CSGALNACT1: variants seen among roughly 807,000 people sequenced by gnomAD.
The protein encoded by CSGALNACT1 is chondroitin sulfate N-acetylgalactosaminyltransferase 1.
CSGALNACT1 carries 52 observed loss-of-function variants against 51.0 expected under a neutral mutation model. That is an observed-to-expected ratio of 1.02 (90% CI 0.82 to 1.29). The LOEUF (loss-of-function observed/expected upper bound fraction) is 1.29, where lower values mean the gene tolerates loss of function less well. CSGALNACT1 is among the 50% of genes most tolerant of loss of function. The probability of loss-of-function intolerance (pLI) is 0.00; values close to 1 mark genes in which losing one functional copy is unlikely to be tolerated. For synonymous variants in CSGALNACT1, 341 were observed against 254.4 expected, an observed-to-expected ratio of 1.34 and a Z score of -3.24; for missense variants, 935 against 679.2, an observed-to-expected ratio of 1.38 and a Z score of -4.19.
intron 8 of CSGALNACT1, among the ~76,000 whole-genome samples, chr8:19,416,760 G>C (rs1340502672): frequency 6.6e-6 from 1 of 152,216 alleles, no homozygotes; most frequent in Non-Finnish European, 1.5e-5. Flanking sequence ...TGTTATGTAG[G>C]ATTGCATAAG....
chr8:19,629,165 G>C (rs185035792), intron 1 of CSGALNACT1, among the ~76,000 whole-genome samples: 4 of 152,160 alleles, frequency 2.6e-5, no homozygotes, highest in Non-Finnish European at 5.9e-5. Flanking sequence ...CATGCCCAGA[G>C]GATACAGGAC....
chr8:19,583,362 T>C (rs2045982585), intron 3 of CSGALNACT1, among the ~76,000 whole-genome samples: 1 of 152,218 alleles, frequency 6.6e-6, no homozygotes, highest in South Asian at 2.1e-4. Context: ...GAAGTTCCTT[T>C]GGATTTCTTG....
At chr8:19,724,087 T>C (rs1446905706) in intron 1 of CSGALNACT1, among the ~76,000 whole-genome samples, 9 of 152,160 alleles carry the variant, frequency 5.9e-5, no homozygotes, top group African/African-American at 1.9e-4. Flanking sequence ...GATTTTCCAA[T>C]ATCCAATAAG....
At chr8:19,468,242 T>C (rs6994352) in intron 4 of CSGALNACT1, among the ~76,000 whole-genome samples, 114,730 of 152,016 alleles carry the variant, frequency 0.75, 43,925 homozygotes, top group East Asian at 0.88. Context: ...AGCGAGCATT[T>C]TAAGGAAAGA....
chr8:19,482,138 C>G (rs2071569576), intron 4 of CSGALNACT1, among the ~76,000 whole-genome samples: 1 of 152,154 alleles, frequency 6.6e-6, no homozygotes, highest in Non-Finnish European at 1.5e-5. Flanking sequence ...TTTCCTTCCT[C>G]TCTTTCAGCG....
At position 19,429,827 on chromosome 8, in the gene CSGALNACT1, A is replaced by T. The variant is rs183627075; in HGVS notation, c.954-9309T>A. On this transcript the variant is annotated intron_variant, in intron 6 of 9. Coordinates refer to ENST00000454498, the Ensembl canonical transcript of CSGALNACT1. Reference sequence around the variant, plus strand: ...CACTGTTTTCCACAGTGGCTGCACCATTTTTCATTCCCAAGAGCAATAGAC... The same window carrying T: ...CACTGTTTTCCACAGTGGCTGCACCTTTTTTCATTCCCAAGAGCAATAGAC... Among the ~76,000 whole-genome samples the T allele has an allele frequency of 7.1e-3, 1,076 of 152,282 alleles. 2 individuals carry two copies. Among genetic ancestry groups the T allele is most frequent in the Admixed American group, 0.014 (214 of 15,288 alleles).
intron 1 of CSGALNACT1, among the ~76,000 whole-genome samples, chr8:19,744,027 A>G (rs532509004): frequency 2.6e-5 from 4 of 152,356 alleles, no homozygotes; most frequent in Non-Finnish European, 4.4e-5. Flanking sequence ...ATTATTCTGA[A>G]TGGTAATGCC....
Position 19,646,944 on chromosome 8 carries a change from C to A in CSGALNACT1, c.-544+35529G>T, listed in dbSNP as rs567011167. Among the ~76,000 whole-genome samples, 5 of 151,004 alleles carry A rather than the reference C, an allele frequency of 3.3e-5. No homozygotes were observed. In the South Asian group the frequency reaches 8.5e-4, roughly 26 times the overall value. Reference sequence around the variant, plus strand: ...ATCCTGAATAAATAGTTTTGGTGCTCAGCTCTACACCAAGAATACATGCAT... The same window carrying A: ...ATCCTGAATAAATAGTTTTGGTGCTAAGCTCTACACCAAGAATACATGCAT... On this transcript the variant is annotated intron_variant, in intron 1 of 9. Transcript: ENST00000332246.
intron 4 of CSGALNACT1, among the ~76,000 whole-genome samples, chr8:19,461,743 CGG>C (rs2065495928): frequency 6.6e-6 from 1 of 151,368 alleles, no homozygotes; most frequent in Non-Finnish European, 1.5e-5. Context: ...ATCCGCACAG[CGG>C]CCACATTCAC....
chr8:19,460,259 C>G (rs1161508755), intron 4 of CSGALNACT1, among the ~76,000 whole-genome samples: 5 of 151,146 alleles, frequency 3.3e-5, no homozygotes, highest in African/African-American at 1.2e-4. Context: ...CAGGGAGACA[C>G]AGAGAGAGAG....
chr8:19,504,062 A>G (rs2076872838), intron 4 of CSGALNACT1, among the ~76,000 whole-genome samples: 1 of 152,138 alleles, frequency 6.6e-6, no homozygotes, highest in African/African-American at 2.4e-5. Context: ...ACACAGCTAT[A>G]TTTCTGGGCA....
chr8:19,433,444 T>G (rs2059933165), intron 6 of CSGALNACT1, among the ~76,000 whole-genome samples: 1 of 152,254 alleles, frequency 6.6e-6, no homozygotes, highest in Non-Finnish European at 1.5e-5. Context: ...TATGAATATC[T>G]AATCTCCCAG....
chr8:19,426,804 T>C (rs1308834989), intron 6 of CSGALNACT1, among the ~76,000 whole-genome samples: 1 of 152,182 alleles, frequency 6.6e-6, no homozygotes, highest in Admixed American at 6.5e-5. Flanking sequence ...TTTCCCAGAA[T>C]TACTGGATTA....
intron 1 of CSGALNACT1, among the ~76,000 whole-genome samples, chr8:19,734,079 C>G (rs1299244780): frequency 6.6e-6 from 1 of 152,174 alleles, no homozygotes; most frequent in Admixed American, 6.5e-5. Context: ...CAGGCTAGTG[C>G]CAGGCTCTGG....
At chr8:19,661,196 A>G (rs747786631) in intron 1 of CSGALNACT1, among the ~76,000 whole-genome samples, 4 of 151,958 alleles carry the variant, frequency 2.6e-5, no homozygotes, top group South Asian at 2.1e-4. Flanking sequence ...TTAGAGGCGT[A>G]AGCCACCACT....
At chr8:19,466,713 C>T (rs79429410) in intron 4 of CSGALNACT1, among the ~76,000 whole-genome samples, 9 of 152,232 alleles carry the variant, frequency 5.9e-5, no homozygotes, top group East Asian at 5.8e-4. Flanking sequence ...CATGCTCAGA[C>T]GCTAGAAGGC....
chr8:19,552,591 T>C (rs190189533), intron 3 of CSGALNACT1, among the ~76,000 whole-genome samples: 10 of 152,264 alleles, frequency 6.6e-5, no homozygotes, highest in African/African-American at 2.2e-4. Flanking sequence ...CAAGCTCCCA[T>C]CACTTTTCAG....
At chr8:19,408,949 AACACACACACAC>A (rs5889870) in intron 8 of CSGALNACT1, among the ~76,000 whole-genome samples, 2 of 142,214 alleles carry the variant, frequency 1.4e-5, no homozygotes, top group African/African-American at 2.6e-5. Context: ...TAGATATGAA[AACACACACACAC>A]ACACACACAC....
chr8:19,711,701 T>A (rs1050862575), intron 1 of CSGALNACT1, among the ~76,000 whole-genome samples: 2 of 152,148 alleles, frequency 1.3e-5, no homozygotes, highest in Non-Finnish European at 2.9e-5. Flanking sequence ...CAATATGACA[T>A]CTCACAGGTG....
Sources: gnomAD v4.1 joint callset for allele counts (sites outside exome capture counted in the v4.1 genomes callset) on GRCh38, gnomAD v4.1.1 for gene constraint, MANE v1.5 for transcripts, NCBI Gene and HGNC (gene_info 2026-07-23, HGNC 2026-07-21) for gene names.